Variants in MYO9A observed in about 807,000 individuals in gnomAD.
MYO9A encodes unconventional myosin-IXa.
A neutral mutation model predicts 293.3 loss-of-function variants in MYO9A; 103 were observed. The observed-to-expected ratio is 0.35, with a 90% confidence interval of 0.30 to 0.41. The LOEUF (loss-of-function observed/expected upper bound fraction) is 0.41. MYO9A is among the 10% of genes least tolerant of loss of function. The pLI, the probability that MYO9A is intolerant of heterozygous loss-of-function variation, is 1.00. For missense variants in MYO9A, 2,685 were observed against 3,033.0 expected (o/e 0.89, Z 2.69); for synonymous variants, 1,001 against 1,035.7 (o/e 0.97, Z 0.64).
At chr15:71,979,743 A>C (rs954167888) in intron 11 of MYO9A, among the ~76,000 whole-genome samples, 1 of 152,196 alleles carries the variant, frequency 6.6e-6, no homozygotes, top group Non-Finnish European at 1.5e-5. Context: ...CTTATAGAAA[A>C]AGTGTGCCAA....
In MYO9A at chr15:71,935,490, A is replaced by C; in HGVS notation, c.2379-6T>G. The stretch of plus-strand genomic sequence containing the variant: ...AGGCAATATCAAATGTATCACTGTA[A>C]AAAATATAATTTGCTTTAGTTAATG... On this transcript the variant is annotated splice_region_variant and splice_polypyrimidine_tract_variant and intron_variant, in intron 16 of 41. Transcript: ENST00000356056. 1 of 1,612,280 alleles carries C rather than the reference A, an allele frequency of 6.2e-7. No individual in the cohort carries two copies. Among genetic ancestry groups the C allele is most frequent in the Non-Finnish European group, 8.5e-7 (1 of 1,178,988 alleles).
At chr15:71,922,122 C>T (rs1217627970) in intron 18 of MYO9A, among the ~76,000 whole-genome samples, 1 of 152,152 alleles carries the variant, frequency 6.6e-6, no homozygotes, top group South Asian at 2.1e-4. Flanking sequence ...AGACTACAGG[C>T]ACGTGCCACC....
intron 2 of MYO9A, among the ~76,000 whole-genome samples, chr15:72,036,027 A>C (rs915163665): frequency 6.6e-6 from 1 of 152,156 alleles, no homozygotes; most frequent in Non-Finnish European, 1.5e-5. Flanking sequence ...TATTTCAAAA[A>C]AACTTAACTC....
intron 13 of MYO9A, among the ~76,000 whole-genome samples, chr15:71,963,201 T>C (rs1389281602): frequency 6.6e-6 from 1 of 151,964 alleles, no homozygotes; most frequent in Non-Finnish European, 1.5e-5. Context: ...TCTACCCCTC[T>C]GCCTCCCAAG....
At chr15:72,048,194 GT>G (rs2078448458) in intron 1 of MYO9A, among the ~76,000 whole-genome samples, 1 of 151,892 alleles carries the variant, frequency 6.6e-6, no homozygotes, top group African/African-American at 2.4e-5. Flanking sequence ...GAGGTCAGGA[GT>G]TCGAGATCAG....
intron 1 of MYO9A, among the ~76,000 whole-genome samples, chr15:72,082,878 T>C (rs1355573499): frequency 6.7e-6 from 1 of 150,186 alleles, no homozygotes; most frequent in African/African-American, 2.5e-5. Flanking sequence ...AAAAGCCTAC[T>C]AGATCATGGT....
At chr15:72,074,822 G>T (rs2150239706) in intron 1 of MYO9A, among the ~76,000 whole-genome samples, 1 of 152,140 alleles carries the variant, frequency 6.6e-6, no homozygotes, top group Non-Finnish European at 1.5e-5. Flanking sequence ...AATAACTACA[G>T]TTGCAGCTCA....
intron 19 of MYO9A, among the ~76,000 whole-genome samples, chr15:71,906,765 T>TTTTTTTTC (rs1286720075): frequency 7.8e-5 from 9 of 115,396 alleles, no homozygotes; most frequent in African/African-American, 2.7e-4. Context: ...TTTCTTTTTT[T>TTTTTTTTC]TTTTTTTTTT....
At chr15:72,083,380 T>C (rs887100472) in intron 1 of MYO9A, among the ~76,000 whole-genome samples, 4 of 152,218 alleles carry the variant, frequency 2.6e-5, no homozygotes, top group Non-Finnish European at 5.9e-5. Context: ...TTGTTGTTTC[T>C]AATTGTGTTT....
intron 39 of MYO9A, among the ~76,000 whole-genome samples, chr15:71,830,973 C>CTTTT (rs67440366): frequency 3.9e-5 from 4 of 103,064 alleles, no homozygotes; most frequent in East Asian, 2.9e-4. Flanking sequence ...CTGCTTCTTC[C>CTTTT]TTTTTTTTTT....
At chr15:72,111,924 T>G (rs1362131586) in intron 1 of MYO9A, among the ~76,000 whole-genome samples, 1 of 152,108 alleles carries the variant, frequency 6.6e-6, no homozygotes, top group African/African-American at 2.4e-5. Context: ...TATCCCCAAT[T>G]GAGAGATGAA....
At chr15:72,053,028 C>T (rs1480726271) in intron 1 of MYO9A, among the ~76,000 whole-genome samples, 1 of 152,190 alleles carries the variant, frequency 6.6e-6, no homozygotes, top group Admixed American at 6.5e-5. Flanking sequence ...GGCCGGTCCA[C>T]AAAGCCAAAA....
intron 30 of MYO9A, 63 bp downstream of exon 30, chr15:71,879,658 A>C: frequency 5.1e-6 from 6 of 1,179,054 alleles, no homozygotes; most frequent in Non-Finnish European, 7.5e-6. Context: ...ATTATCTTCT[A>C]CAGCGCTATC....
At chr15:71,848,460 A>C (rs2055486572) in intron 39 of MYO9A, among the ~76,000 whole-genome samples, 1 of 152,248 alleles carries the variant, frequency 6.6e-6, no homozygotes, top group South Asian at 2.1e-4. Context: ...TCTACATCCC[A>C]GGGGTCTTGG....
chr15:71,944,992 A>G (rs1238656212), intron 15 of MYO9A, among the ~76,000 whole-genome samples: 2 of 152,210 alleles, frequency 1.3e-5, no homozygotes, highest in African/African-American at 2.4e-5. Context: ...TTCTCCTAGT[A>G]GTGCACAACT....
Position 71,828,298 on chromosome 15 carries a change from TA to T in MYO9A, c.7041-273del, listed in dbSNP as rs1250881738. The stretch of plus-strand genomic sequence containing the variant: ...AAGATGTAGTGGTGAGATCTTTCAG[TA>T]AAATGAACTCTGGACTGATAAGCAG... On this transcript the variant is annotated intron_variant, in intron 40 of 41. Transcript: ENST00000356056. Among the ~76,000 whole-genome samples the T allele has an allele frequency of 4.6e-5, 7 of 152,302 alleles. No homozygotes were observed. The South Asian group carries it at 6.2e-4, about 14-fold the overall frequency.
chr15:71,847,304 C>T (rs1028975437), intron 39 of MYO9A: 3 of 334,262 alleles, frequency 9.0e-6, no homozygotes, highest in Admixed American at 2.6e-5. Flanking sequence ...GACTTGGGGC[C>T]GAACATGGAG....
chr15:72,100,815 T>C (rs2080259815), intron 1 of MYO9A, among the ~76,000 whole-genome samples: 2 of 149,864 alleles, frequency 1.3e-5, no homozygotes, highest in African/African-American at 4.9e-5. Flanking sequence ...AGCCACCCCG[T>C]CTGGGAAGTG....
At chr15:72,089,450 C>G (rs2079838408) in intron 1 of MYO9A, among the ~76,000 whole-genome samples, 1 of 152,154 alleles carries the variant, frequency 6.6e-6, no homozygotes, top group African/African-American at 2.4e-5. Context: ...GCATCAGCCA[C>G]TGTGCCCGGC....
Sources: gnomAD v4.1 joint callset for allele counts (sites outside exome capture counted in the v4.1 genomes callset) on GRCh38, gnomAD v4.1.1 for gene constraint, MANE v1.5 for transcripts, NCBI Gene and HGNC (gene_info 2026-07-23, HGNC 2026-07-21) for gene names.